Variants in SLC10A7 observed in about 807,000 individuals in gnomAD.
SLC10A7 encodes sodium/bile acid cotransporter 7.
A neutral mutation model predicts 43.2 loss-of-function variants in SLC10A7; 29 were observed. The ratio of observed to expected loss-of-function variants is 0.67; its 90% CI spans 0.50 to 0.92. The LOEUF is 0.92. Among genes scored for constraint, SLC10A7 ranks in the 40% least tolerant of loss-of-function variants. The pLI is 0.00. For synonymous variants in SLC10A7, 152 were observed against 144.8 expected (o/e 1.05, Z -0.35); for missense variants, 295 against 403.2 (o/e 0.73, Z 2.30).
chr4:146,343,320 A>G lies in SLC10A7; in HGVS notation c.436-17324T>C, dbSNP rs150130107. Among the ~76,000 whole-genome samples, 243 of 152,158 alleles carry G rather than the reference A, an allele frequency of 1.6e-3. 1 individual carries two copies. The highest frequency in any genetic ancestry group is 5.6e-3 in the African/African-American group (233 of 41,544). On this transcript the variant is annotated intron_variant, in intron 5 of 11. Coordinates refer to ENST00000335472, the MANE Select transcript of SLC10A7 (RefSeq NM_001029998.6). ...ATGTGCAGATTGGGCCACAAGTAAA[A>G]TAATAGGAAGTGAGGGCAACTTAGG...
At chr4:146,292,823 TG>T (rs1730530460) in intron 9 of SLC10A7, 105 bp downstream of exon 9, 2 of 738,746 alleles carry the variant, frequency 2.7e-6, no homozygotes, top group Non-Finnish European at 4.4e-6. Context: ...GAAAAACATA[TG>T]TAAAAGGAGA....
intron 6 of SLC10A7, among the ~76,000 whole-genome samples, chr4:146,308,440 C>A (rs533950162): frequency 6.6e-6 from 1 of 152,086 alleles, no homozygotes; most frequent in Non-Finnish European, 1.5e-5. Flanking sequence ...TCTGGCACAG[C>A]GCAGCCTGTG....
At chr4:146,306,065 G>A (rs1731549822) in intron 6 of SLC10A7, 56 bp from the exon 7 acceptor site, 2 of 1,386,834 alleles carry the variant, frequency 1.4e-6, no homozygotes, top group South Asian at 2.9e-5. Context: ...TCAAGCATTA[G>A]TGTTTATAAA....
At chr4:146,445,985 G>A (rs199946515) in intron 4 of SLC10A7, among the ~76,000 whole-genome samples, 1 of 151,912 alleles carries the variant, frequency 6.6e-6, no homozygotes, top group African/African-American at 2.4e-5. Context: ...CACAGGATAG[G>A]GGGTGGGGCA....
At chr4:146,358,646 A>G (rs1341908171) in intron 5 of SLC10A7, among the ~76,000 whole-genome samples, 5 of 152,122 alleles carry the variant, frequency 3.3e-5, no homozygotes, top group Admixed American at 3.3e-4. Context: ...GCCTTCTTTT[A>G]CTTAGTATTA....
At chr4:146,437,917 A>G (rs1472054639) in intron 5 of SLC10A7, among the ~76,000 whole-genome samples, 2 of 152,060 alleles carry the variant, frequency 1.3e-5, no homozygotes, top group Non-Finnish European at 2.9e-5. Flanking sequence ...CATAGTTGGA[A>G]ACTCAGTTTG....
chr4:146,339,109 A>T (rs1431885410), intron 5 of SLC10A7, among the ~76,000 whole-genome samples: 2 of 151,966 alleles, frequency 1.3e-5, no homozygotes, highest in Non-Finnish European at 2.9e-5. Flanking sequence ...TGTTAAAATA[A>T]ACTTCTAAAA....
intron 5 of SLC10A7, among the ~76,000 whole-genome samples, chr4:146,385,418 T>A (rs1212855718): frequency 6.6e-6 from 1 of 152,154 alleles, no homozygotes; most frequent in African/African-American, 2.4e-5. Context: ...TAACTTAAAT[T>A]TCTCTAACTC....
chr4:146,295,085 A>G (rs892016360), intron 7 of SLC10A7, among the ~76,000 whole-genome samples: 1 of 152,172 alleles, frequency 6.6e-6, no homozygotes, highest in Non-Finnish European at 1.5e-5. Flanking sequence ...GTCATCAGGT[A>G]CTCTGTCACT....
chr4:146,488,960 T>C (rs975672735), intron 4 of SLC10A7, among the ~76,000 whole-genome samples: 1 of 152,204 alleles, frequency 6.6e-6, no homozygotes, highest in Admixed American at 6.5e-5. Context: ...CCCTCATCTA[T>C]GCCAAACACT....
At chr4:146,329,579 T>C (rs999714396) in intron 5 of SLC10A7, among the ~76,000 whole-genome samples, 1 of 152,196 alleles carries the variant, frequency 6.6e-6, no homozygotes, top group African/African-American at 2.4e-5. Context: ...GAGCCTGTGC[T>C]CTTGAATGGT....
chr4:146,281,037 T>C (rs1352100493), intron 10 of SLC10A7, among the ~76,000 whole-genome samples: 2 of 152,172 alleles, frequency 1.3e-5, no homozygotes, highest in Non-Finnish European at 2.9e-5. Context: ...GGAGGATCTA[T>C]TTCATGGTAG....
chr4:146,384,892 T>C (rs1378755558), intron 5 of SLC10A7, among the ~76,000 whole-genome samples: 2 of 152,078 alleles, frequency 1.3e-5, no homozygotes, highest in Non-Finnish European at 2.9e-5. Flanking sequence ...TGTGCCCATA[T>C]TATGTATTTA....
intron 5 of SLC10A7, among the ~76,000 whole-genome samples, chr4:146,358,028 T>A (rs1735782233): frequency 6.7e-6 from 1 of 149,578 alleles, no homozygotes; most frequent in African/African-American, 2.5e-5. Flanking sequence ...ATTAGGATGC[T>A]CCTAATGAAG....
At chr4:146,290,883 A>ACC in intron 9 of SLC10A7, among the ~76,000 whole-genome samples, 1 of 152,126 alleles carries the variant, frequency 6.6e-6, no homozygotes, top group East Asian at 1.9e-4. Context: ...ACCAAACCAA[A>ACC]ACAAAACAAA....
intron 4 of SLC10A7, among the ~76,000 whole-genome samples, chr4:146,469,942 C>G (rs1733411934): frequency 6.6e-6 from 1 of 152,090 alleles, no homozygotes; most frequent in Non-Finnish European, 1.5e-5. Context: ...CCCAAAACAA[C>G]TTTAAAACAA....
chr4:146,384,240 TG>T (rs1194681196), intron 5 of SLC10A7, among the ~76,000 whole-genome samples: 12 of 152,070 alleles, frequency 7.9e-5, no homozygotes, highest in Non-Finnish European at 1.8e-4. Context: ...AAATGAAACT[TG>T]GTAACTCTTA....
chr4:146,281,446 A>T (rs1307517722), intron 10 of SLC10A7, among the ~76,000 whole-genome samples: 2 of 152,072 alleles, frequency 1.3e-5, no homozygotes, highest in East Asian at 3.9e-4. Flanking sequence ...AAAAAAAAAA[A>T]AGTGGGTCAG....
intron 5 of SLC10A7, among the ~76,000 whole-genome samples, chr4:146,374,846 T>C (rs1210807218): frequency 1.3e-5 from 2 of 152,166 alleles, no homozygotes; most frequent in Non-Finnish European, 1.5e-5. Flanking sequence ...TAAAAAGTAC[T>C]GTATTATCAT....
Sources: allele counts gnomAD v4.1 joint callset (sites outside exome capture counted in the v4.1 genomes callset), GRCh38; gene constraint gnomAD v4.1.1; transcripts MANE v1.5; gene names NCBI Gene and HGNC (gene_info 2026-07-23, HGNC 2026-07-21).